The following RPTOR variants were observed in gnomAD, a reference collection of about 807,000 sequenced individuals.
The protein encoded by RPTOR is regulatory-associated protein of mTOR.
RPTOR carries 21 observed loss-of-function variants against 169.9 expected under a neutral mutation model. The ratio of observed to expected loss-of-function variants is 0.12; its 90% CI spans 0.09 to 0.18. RPTOR has a LOEUF of 0.18. RPTOR is among the 10% of genes least tolerant of loss of function. RPTOR has a pLI of 1.00. For synonymous variants in RPTOR, 732 were observed against 753.2 expected, an observed-to-expected ratio of 0.97 and a Z score of 0.46; for missense variants, 1,133 against 1,855.9, an observed-to-expected ratio of 0.61 and a Z score of 7.16.
chr17:80,933,734 T>C (rs1250630576), intron 24 of RPTOR, among the ~76,000 whole-genome samples: 1 of 152,244 alleles, frequency 6.6e-6, no homozygotes, highest in East Asian at 1.9e-4. Flanking sequence ...CTAATTAAGA[T>C]ACCATGGCAT....
intron 20 of RPTOR, among the ~76,000 whole-genome samples, chr17:80,907,318 C>T (rs2068556223): frequency 6.6e-6 from 1 of 152,284 alleles, no homozygotes; most frequent in Admixed American, 6.5e-5. Flanking sequence ...GGCTGGATCC[C>T]TTTTCAGCTC....
At chr17:80,745,451 C>T (rs1275226370) in intron 5 of RPTOR, among the ~76,000 whole-genome samples, 7 of 152,094 alleles carry the variant, frequency 4.6e-5, no homozygotes, top group Admixed American at 3.3e-4. Context: ...CAGCAATAGG[C>T]GCAACTTGGT....
At chr17:80,795,049 A>G (rs540454016) in intron 7 of RPTOR, among the ~76,000 whole-genome samples, 154 of 152,234 alleles carry the variant, frequency 1.0e-3, no homozygotes, top group Non-Finnish European at 1.7e-3. Context: ...CAACTGAAGT[A>G]AAAGTAATAC....
intron 4 of RPTOR, among the ~76,000 whole-genome samples, chr17:80,716,541 T>C (rs1316002685): frequency 6.6e-6 from 1 of 152,222 alleles, no homozygotes; most frequent in Admixed American, 6.5e-5. Context: ...TGCTGACTGT[T>C]CCTTTTGCCG....
chr17:80,725,074 T>G (rs570600643), intron 4 of RPTOR, among the ~76,000 whole-genome samples: 97 of 152,346 alleles, frequency 6.4e-4, no homozygotes, highest in Admixed American at 1.0e-3. Flanking sequence ...ACATTTAACT[T>G]AAGCCAAAAC....
rs187218827 is a variant in RPTOR, at chr17:80,897,524, G to T, written c.2401+3659G>T. Among the ~76,000 whole-genome samples, 6 of 152,342 alleles carry T rather than the reference G, an allele frequency of 3.9e-5. No individual in the cohort carries two copies. In the East Asian group the frequency reaches 1.2e-3, roughly 29 times the overall value. On this transcript the variant is annotated intron_variant, in intron 20 of 33. Coordinates refer to ENST00000306801, the MANE Select transcript of RPTOR (RefSeq NM_020761.3). ...AGAATGACCCTGTGCATGGCTGTTT[G>T]TTAGGGTAGGGAATTACATGATTGA...
intron 25 of RPTOR, among the ~76,000 whole-genome samples, chr17:80,940,943 A>C (rs1022871705): frequency 6.6e-6 from 1 of 152,194 alleles, no homozygotes; most frequent in Non-Finnish European, 1.5e-5. Flanking sequence ...GGTGGAACTC[A>C]TGGAGGCGGA....
chr17:80,958,405 CTTT>C lies in RPTOR; in HGVS notation c.3477+696_3477+698del, dbSNP rs34955105. Reference sequence around the variant, plus strand: ...TACAGAAGACAGAAGATTTTTGTTTCTTTTTTTTTTTTTTTTTTTTTTTGAGAC... The same window carrying C: ...TACAGAAGACAGAAGATTTTTGTTTCTTTTTTTTTTTTTTTTTTTTGAGAC... On this transcript the variant is annotated intron_variant, in intron 29 of 33. Transcript: ENST00000306801. 4.7e-3 allele frequency among the ~76,000 whole-genome samples: 394 copies of C among 83,626 alleles called. 2 individuals are homozygous for C. Among genetic ancestry groups the C allele is most frequent in the African/African-American group, 0.019 (356 of 18,920 alleles). 54.9% of individuals were successfully genotyped at this position (83,626 alleles called of 152,430 possible). A position where few individuals can be genotyped will look rare whatever the true frequency, so the allele number is the denominator to read the frequency against.
At chr17:80,718,487 G>T (rs2066257985) in intron 4 of RPTOR, among the ~76,000 whole-genome samples, 1 of 152,190 alleles carries the variant, frequency 6.6e-6, no homozygotes, top group Non-Finnish European at 1.5e-5. Context: ...ATGATGTATT[G>T]TGATAATGTA....
chr17:80,812,750 T>C (rs1357561904), intron 7 of RPTOR, among the ~76,000 whole-genome samples: 1 of 152,216 alleles, frequency 6.6e-6, no homozygotes, highest in Non-Finnish European at 1.5e-5. Context: ...TTCTAGCTGT[T>C]CTCCAGGTGA....
chr17:80,620,979 T>A (rs565353622), intron 1 of RPTOR, among the ~76,000 whole-genome samples: 1 of 152,360 alleles, frequency 6.6e-6, no homozygotes, highest in Admixed American at 6.5e-5. Flanking sequence ...TTGTTTTCTT[T>A]AAAAGTATAA....
chr17:80,943,840 C>CAGGTGAGGACACGGTTAGTAAGAGCCA (rs1358877418), intron 25 of RPTOR, among the ~76,000 whole-genome samples: 1 of 151,404 alleles, frequency 6.6e-6, no homozygotes, highest in Non-Finnish European at 1.5e-5. Flanking sequence ...AAGAGCCAGG[C>CAGGTGAGGACACGGTTAGTAAGAGCCA]GGTGTCTCTC....
At chr17:80,629,326 T>G (rs2065422060) in intron 2 of RPTOR, among the ~76,000 whole-genome samples, 1 of 151,582 alleles carries the variant, frequency 6.6e-6, no homozygotes, top group Non-Finnish European at 1.5e-5. Flanking sequence ...GGGACTCAGC[T>G]CTCTATGTAT....
At chr17:80,668,613 C>T (rs7359636) in intron 3 of RPTOR, among the ~76,000 whole-genome samples, 187 of 152,382 alleles carry the variant, frequency 1.2e-3, no homozygotes, top group African/African-American at 4.4e-3. Flanking sequence ...CAGCAGTTCT[C>T]AGCCGTATGC....
At chr17:80,685,644 T>TTA (rs1555607051) in intron 3 of RPTOR, among the ~76,000 whole-genome samples, 1,805 of 71,614 alleles carry the variant, frequency 0.025, 76 homozygotes, top group Non-Finnish European at 0.038. Flanking sequence ...TTTTTTTTTT[T>TTA]TTTTTTTTTT....
chr17:80,878,863 G>A lies in RPTOR; in HGVS notation c.1510-1552G>A, dbSNP rs1489651202. ...AAGTGTCCCCAAGTTAGGCAGCCTG[G>A]TGTGGCTTCCGGTAACACTGCCAGC... On this transcript the variant is annotated intron_variant, in intron 13 of 33. Coordinates refer to ENST00000306801, the MANE Select transcript of RPTOR (RefSeq NM_020761.3). The surrounding 1 kb of genome is among the most constrained non-coding windows in gnomAD (Gnocchi z 4.1). 6.6e-6 allele frequency among the ~76,000 whole-genome samples: 1 copy of A among 152,168 alleles called. No homozygotes were observed. The highest frequency in any genetic ancestry group is 1.5e-5 in the Non-Finnish European group (1 of 68,020).
chr17:80,766,736 T>C (rs1416269450), intron 6 of RPTOR, among the ~76,000 whole-genome samples: 3 of 152,200 alleles, frequency 2.0e-5, no homozygotes, highest in Admixed American at 6.5e-5. Context: ...TAACTAGGTG[T>C]TCATGTACCG....
At chr17:80,946,944 G>A (rs959215658) in intron 26 of RPTOR, among the ~76,000 whole-genome samples, 1 of 152,198 alleles carries the variant, frequency 6.6e-6, no homozygotes, top group African/African-American at 2.4e-5. Flanking sequence ...ACAGCCTGTG[G>A]CTCCAATTTC....
At chr17:80,548,341 G>A (rs998892157) in intron 1 of RPTOR, among the ~76,000 whole-genome samples, 31 of 148,128 alleles carry the variant, frequency 2.1e-4, no homozygotes, top group African/African-American at 7.7e-4. Context: ...TAGGATTACA[G>A]GCATCAGCCA....
Sources: allele counts gnomAD v4.1 joint callset (sites outside exome capture counted in the v4.1 genomes callset), GRCh38; gene constraint gnomAD v4.1.1; non-coding constraint Gnocchi (gnomAD v3.1); transcripts MANE v1.5; gene names NCBI Gene and HGNC (gene_info 2026-07-23, HGNC 2026-07-21).